NCAPH2: variants seen among roughly 807,000 people sequenced by gnomAD.
NCAPH2 encodes condensin-2 complex subunit H2.
NCAPH2 carries 56 observed loss-of-function variants against 88.6 expected under a neutral mutation model. The observed-to-expected ratio is 0.63, with a 90% CI of 0.51 to 0.79. The LOEUF is 0.79. Ranked by LOEUF, NCAPH2 falls within the 30% of genes least tolerant of loss-of-function variation. NCAPH2 has a pLI of 0.00. For missense variants in NCAPH2, 794 were observed against 792.0 expected (o/e 1.00, Z -0.03); for synonymous variants, 378 against 313.6 (o/e 1.21, Z -2.17).
intron 2 of NCAPH2, 43 bp downstream of exon 2, chr22:50,516,591 T>G (rs2068930708): frequency 6.3e-7 from 1 of 1,579,302 alleles, no homozygotes; most frequent in Non-Finnish European, 8.7e-7. Flanking sequence ...TGGTGGCCAG[T>G]GGGACCACAG....
At chr22:50,517,186 C>T (rs73172241) in intron 2 of NCAPH2, among the ~76,000 whole-genome samples, 20,607 of 152,210 alleles carry the variant, frequency 0.14, 1,546 homozygotes, top group Non-Finnish European at 0.17. Context: ...AGGCCACGCT[C>T]GCGGCTGCGT....
At chr22:50,520,750 C>T (rs1017745410) in intron 9 of NCAPH2, 8 of 523,158 alleles carry the variant, frequency 1.5e-5, no homozygotes, top group East Asian at 6.6e-5. Context: ...TTAGTAGAGG[C>T]GGGGGTTTCA....
intron 1 of NCAPH2, among the ~76,000 whole-genome samples, chr22:50,512,460 T>A (rs1289055683): frequency 6.6e-6 from 1 of 152,196 alleles, no homozygotes; most frequent in African/African-American, 2.4e-5. Flanking sequence ...GAAGTCCTGA[T>A]TTCCTGGTTT....
chr22:50,518,752 G>T lies in NCAPH2; in HGVS notation c.730+20G>T. The T allele has an allele frequency of 1.3e-6, 2 of 1,590,742 alleles. No homozygotes were observed. Among genetic ancestry groups the T allele is most frequent in the Non-Finnish European group, 8.5e-7 (1 of 1,169,730 alleles). On this transcript the variant is annotated intron_variant, in intron 8 of 19. Coordinates refer to ENST00000420993, the MANE Select transcript of NCAPH2 (RefSeq NM_152299.4). ...AGCCAGGTGAGAAGAGAGCTCCCCG[G>T]TGGGACTGGCAGGGCAGCCAAAGAG... is the stretch of plus-strand genomic sequence containing the variant.
Position 50,523,488 on chromosome 22 carries a change from C to T in NCAPH2, c.*113C>T. 6.5e-7 allele frequency: 1 copy of T among 1,535,548 alleles called. No individual in the cohort carries two copies. The highest frequency in any genetic ancestry group is 1.2e-5 in the South Asian group (1 of 84,304). On this transcript the variant is annotated 3_prime_UTR_variant, in exon 20 of 20. Transcript: ENST00000420993. ...TGCCATCTCATCTTCCCCCTAAAAA[C>T]CCTTTTATGTACACCTGCGCAGAGA...
intron 13 of NCAPH2, 25 bp from the exon 14 acceptor site, chr22:50,522,156 G>A (rs2069122353): frequency 1.2e-6 from 2 of 1,611,810 alleles, no homozygotes; most frequent in Non-Finnish European, 1.7e-6. Flanking sequence ...GGACGAGGGA[G>A]CCCTCACAAG....
intron 13 of NCAPH2, 59 bp from the exon 14 acceptor site, chr22:50,522,122 G>A: frequency 6.2e-7 from 1 of 1,612,234 alleles, no homozygotes; most frequent in Non-Finnish European, 8.5e-7. Flanking sequence ...AAAGCCTTGG[G>A]TGGACTGGCA....
chr22:50,512,820 A>G (rs574562079), intron 1 of NCAPH2, among the ~76,000 whole-genome samples: 2 of 152,282 alleles, frequency 1.3e-5, no homozygotes, highest in East Asian at 3.9e-4. Context: ...TGCTGGGATT[A>G]TAGGTGTGAG....
chr22:50,518,599 C>T, intron 7 of NCAPH2, 50 bp from the exon 8 acceptor site: 3 of 1,533,612 alleles, frequency 2.0e-6, no homozygotes, highest in Non-Finnish European at 2.7e-6. Flanking sequence ...GGGCAGGGAC[C>T]ATCTTGGAGA....
intron 2 of NCAPH2, 43 bp from the exon 3 acceptor site, chr22:50,517,384 G>A (rs759634125): frequency 1.9e-6 from 3 of 1,606,986 alleles, no homozygotes; most frequent in East Asian, 2.2e-5. Context: ...TTGGGGGTGG[G>A]CCCCTCCTTT....
At chr22:50,518,596 G>A in intron 7 of NCAPH2, 53 bp from the exon 8 acceptor site, 9 of 1,526,630 alleles carry the variant, frequency 5.9e-6, no homozygotes, top group South Asian at 1.2e-5. Flanking sequence ...ACCGGGCAGG[G>A]ACCATCTTGG....
intron 1 of NCAPH2, among the ~76,000 whole-genome samples, chr22:50,511,335 G>C (rs2068776809): frequency 7.3e-6 from 1 of 137,916 alleles, no homozygotes; most frequent in Non-Finnish European, 1.5e-5. Flanking sequence ...TGTCGCCCAG[G>C]CTGGAGTGCA....
In NCAPH2 at chr22:50,523,684, C is replaced by A. The variant is rs767809670; in HGVS notation, c.*309C>A. ...TGAGATCTGCTCAGCCGATCTGCTCCGGCCGTAGTAATCCGTGAAGAGGCC... is the reference window on the plus strand; with the variant it reads ...TGAGATCTGCTCAGCCGATCTGCTCAGGCCGTAGTAATCCGTGAAGAGGCC... On this transcript the variant is annotated 3_prime_UTR_variant, in exon 20 of 20. Coordinates refer to ENST00000420993, the MANE Select transcript of NCAPH2 (RefSeq NM_152299.4). 1.2e-6 allele frequency: 2 copies of A among 1,614,124 alleles called. No homozygotes were observed. The highest frequency in any genetic ancestry group is 2.2e-5 in the South Asian group (2 of 91,086).
At chr22:50,517,050 C>T (rs370154287) in intron 2 of NCAPH2, among the ~76,000 whole-genome samples, 16 of 152,258 alleles carry the variant, frequency 1.1e-4, no homozygotes, top group South Asian at 4.1e-4. Context: ...AGCACACGGG[C>T]GGAGGAGCAG....
intron 1 of NCAPH2, among the ~76,000 whole-genome samples, chr22:50,509,303 T>C (rs914105830): frequency 6.6e-6 from 1 of 152,190 alleles, no homozygotes; most frequent in Non-Finnish European, 1.5e-5. Context: ...CAAATCTACT[T>C]TACATATCCA....
intron 2 of NCAPH2, 134 bp downstream of exon 2, chr22:50,516,682 C>G (rs2068934064): frequency 8.4e-6 from 6 of 710,118 alleles, no homozygotes; most frequent in Non-Finnish European, 1.4e-5. Flanking sequence ...CAGCCAATTC[C>G]TCAGCACCTT....
Position 50,510,535 on chromosome 22 carries a change from C to A in NCAPH2, c.108+2090C>A, listed in dbSNP as rs137994815. Among the ~76,000 whole-genome samples the A allele has an allele frequency of 8.0e-3, 1,210 of 152,196 alleles. 20 individuals are homozygous for A. The highest frequency in any genetic ancestry group is 0.028 in the African/African-American group (1,169 of 41,510). On this transcript the variant is annotated intron_variant, in intron 1 of 19. Transcript: ENST00000420993. ...CTCCGACTCCCAGGTTCAAGCAATT[C>A]TCCTGCCTTGGCCTCCCGAGTAGCT... is the stretch of plus-strand genomic sequence containing the variant.
intron 1 of NCAPH2, 54 bp downstream of exon 1, chr22:50,508,499 C>T: frequency 5.7e-6 from 2 of 350,300 alleles, no homozygotes; most frequent in Non-Finnish European, 1.0e-5. Context: ...GGCTGCGGGG[C>T]GGGGGCTCCG....
At chr22:50,521,118 T>C in intron 10 of NCAPH2, 82 bp downstream of exon 10, 1 of 1,477,462 alleles carries the variant, frequency 6.8e-7, no homozygotes, top group South Asian at 1.2e-5. Context: ...ATGCTCTTGC[T>C]CCTGCTGGCC....
Sources: gnomAD v4.1 joint callset for allele counts (sites outside exome capture counted in the v4.1 genomes callset) on GRCh38, gnomAD v4.1.1 for gene constraint, MANE v1.5 for transcripts, NCBI Gene and HGNC (gene_info 2026-07-23, HGNC 2026-07-21) for gene names.